PCNT: variants seen among roughly 807,000 people sequenced by gnomAD.
PCNT encodes the protein pericentrin, also known as kendrin.
Under a neutral mutation model 380.4 loss-of-function variants are expected in PCNT, and 319 were observed. The ratio of observed to expected loss-of-function variants is 0.84; its 90% CI spans 0.77 to 0.92. The LOEUF is 0.92. PCNT is among the 40% of genes least tolerant of loss of function. The pLI is 0.00. For synonymous variants in PCNT, 1,845 were observed against 1,735.2 expected (o/e 1.06, Z -1.57); for missense variants, 4,400 against 4,255.3 (o/e 1.03, Z -0.95).
At chr21:46,377,697 A>T (rs536882691) in intron 15 of PCNT, among the ~76,000 whole-genome samples, 1 of 152,120 alleles carries the variant, frequency 6.6e-6, no homozygotes. Context: ...AAAATAAAAA[A>T]ATTAGCCTGG....
intron 16 of PCNT, among the ~76,000 whole-genome samples, chr21:46,384,574 AGTGGTGG>A: frequency 4.2e-5 from 6 of 144,272 alleles, no homozygotes; most frequent in East Asian, 2.2e-4. Flanking sequence ...TTGTGCATTC[AGTGGTGG>A]AAGCCCATTC....
intron 15 of PCNT, among the ~76,000 whole-genome samples, chr21:46,377,936 T>C (rs2085383049): frequency 6.6e-6 from 1 of 152,104 alleles, no homozygotes; most frequent in Non-Finnish European, 1.5e-5. Flanking sequence ...CTGCTTGCCG[T>C]ACCTGTGGGC....
At chr21:46,364,029 T>C in intron 14 of PCNT, 95 bp downstream of exon 14, 2 of 1,147,580 alleles carry the variant, frequency 1.7e-6, no homozygotes, top group South Asian at 1.3e-5. Context: ...CGCTGTGGGC[T>C]CCACTGGGCG....
In PCNT at chr21:46,445,323, A is replaced by G. The variant is rs794727685; in HGVS notation, c.10007A>G (p.Gln3336Arg). 3.7e-6 allele frequency: 6 copies of G among 1,604,216 alleles called. No homozygotes were observed. Among genetic ancestry groups the G allele is most frequent in the Non-Finnish European group, 5.1e-6 (6 of 1,170,962 alleles). ...AAATCCTGCCACCCGATGATTAAACAGTGAATAAAATGTCATGGCTCTTTC... is the reference window on the plus strand; with the variant it reads ...AAATCCTGCCACCCGATGATTAAACGGTGAATAAAATGTCATGGCTCTTTC... ...SKKSCHPMIK[Q>R] is the part of the protein sequence containing the mutation. The change falls in exon 47 of 47, where the codon CAG (glutamine) becomes CGG (arginine). Residue 3336 changes from glutamine (Q) to arginine (R), a missense_variant. By Grantham distance (43) the Gln-to-Arg change is conservative. Coordinates refer to ENST00000359568, the MANE Select transcript of PCNT (RefSeq NM_006031.6).
Position 46,325,215 on chromosome 21 carries a change from G to C in PCNT, c.54+933G>C. ...GAGCAGGCCGGCCTCTGCGAGGTGC[G>C]CGCCGCTCCCCCCCAGGATGTTCTG... On this transcript the variant is annotated intron_variant, in intron 1 of 46. Transcript: ENST00000359568. 9.1e-6 allele frequency: 9 copies of C among 984,876 alleles called. No homozygotes were observed. In the South Asian group the frequency reaches 2.8e-4, roughly 31 times the overall value. The allele number at this position is 984,876 out of a possible 1,614,324, so 61.0% of individuals were successfully genotyped here. A position where few individuals can be genotyped will look rare whatever the true frequency, so the allele number is the denominator to read the frequency against.
intron 40 of PCNT, among the ~76,000 whole-genome samples, chr21:46,437,920 C>T (rs1258862829): frequency 6.6e-6 from 1 of 152,226 alleles, no homozygotes; most frequent in East Asian, 1.9e-4. Context: ...CTGTTAATTT[C>T]AGTGCTGTTA....
chr21:46,329,659 C>G (rs949983552), intron 2 of PCNT, among the ~76,000 whole-genome samples: 1 of 152,204 alleles, frequency 6.6e-6, no homozygotes, highest in African/African-American at 2.4e-5. Context: ...ACACTTCACC[C>G]TCAAGCGTGG....
At chr21:46,431,131 C>G (rs1181128034) in intron 37 of PCNT, 3 of 1,187,752 alleles carry the variant, frequency 2.5e-6, no homozygotes, top group Non-Finnish European at 3.2e-6. Flanking sequence ...GTGTGTATCT[C>G]TGAGCCTCTG....
At chr21:46,361,685 T>A (rs2084723539) in intron 13 of PCNT, among the ~76,000 whole-genome samples, 1 of 152,172 alleles carries the variant, frequency 6.6e-6, no homozygotes, top group South Asian at 2.1e-4. Flanking sequence ...AAGATCTGAG[T>A]GTTTGGCGTC....
Position 46,326,500 on chromosome 21 carries a change from G to T in PCNT, c.178G>T (p.Asp60Tyr). 6.2e-7 allele frequency: 1 copy of T among 1,614,208 alleles called. No individual in the cohort carries two copies. Among genetic ancestry groups the T allele is most frequent in the Non-Finnish European group, 8.5e-7 (1 of 1,180,036 alleles). The change falls in exon 2 of 47, where the codon GAC (aspartate) becomes TAC (tyrosine). Residue 60 changes from aspartate to tyrosine, a missense_variant. Asp to Tyr is a radical substitution (Grantham distance 160). Coordinates refer to ENST00000359568, the MANE Select transcript of PCNT (RefSeq NM_006031.6). The part of the protein sequence containing the change: ...VQEESPVTKE[D>Y]SALCGGGDIC... ...GGAGGAGAGTCCGGTAACCAAGGAG[G>T]ACAGCGCACTCTGTGGAGGAGGGGA...
rs374300652 is a variant in PCNT at position 46,412,033 on chromosome 21, A to C, written c.5960A>C (p.Asp1987Ala). 2 of 1,608,370 alleles carry C rather than the reference A, an allele frequency of 1.2e-6. No individual in the cohort carries two copies. Among genetic ancestry groups the C allele is most frequent in the East Asian group, 4.5e-5 (2 of 44,860 alleles). The change falls in exon 28 of 47, where the codon GAT becomes GCT. Residue 1987 changes from aspartate (D) to alanine (A), a missense_variant. By Grantham distance (126) the Asp-to-Ala change is moderately radical (BLOSUM62 -2). Coordinates refer to ENST00000359568, the MANE Select transcript of PCNT (RefSeq NM_006031.6). ...ACCGGCGACGTGGAGGCCTCCCATG[A>C]TGCTGCTTTGGAGCCGGTTGTCCCT... is the stretch of plus-strand genomic sequence containing the variant. The part of the protein sequence containing the change: ...QVTGDVEASH[D>A]AALEPVVPDP...
chr21:46,331,061 TGA>T (rs1450889888), intron 2 of PCNT, among the ~76,000 whole-genome samples: 1 of 152,174 alleles, frequency 6.6e-6, no homozygotes, highest in Non-Finnish European at 1.5e-5. Flanking sequence ...TATGTGTGTG[TGA>T]GGGGGAGGGA....
chr21:46,366,863 A>G lies in PCNT; in HGVS notation c.2889A>G (p.Arg963=). ...CCGACCTCGGCGCTCTGGAGACCAG[A>G]CATCTGTCCAGCCTTGATTCTTTGG... is the stretch of plus-strand genomic sequence containing the variant. ...HAADLGALET[R]HLSSLDSLES... The change falls in exon 15 of 47, where the codon AGA becomes AGG. Residue 963 remains arginine (R), a synonymous_variant. Transcript: ENST00000359568. The G allele has an allele frequency of 6.2e-7, 1 of 1,614,124 alleles. No individual in the cohort carries two copies. The highest frequency in any genetic ancestry group is 8.5e-7 in the Non-Finnish European group (1 of 1,180,040).
At chr21:46,328,163 G>T (rs1465825021) in intron 2 of PCNT, among the ~76,000 whole-genome samples, 2 of 151,852 alleles carry the variant, frequency 1.3e-5, no homozygotes, top group African/African-American at 4.8e-5. Context: ...AAATTGAGTT[G>T]TTGGCAACAG....
At chr21:46,395,007 AAGCACAGCCC>A (rs913039862) in intron 21 of PCNT, among the ~76,000 whole-genome samples, 2 of 152,220 alleles carry the variant, frequency 1.3e-5, no homozygotes, top group African/African-American at 4.8e-5. Context: ...GTTCTGGGCC[AAGCACAGCCC>A]AGGTCGTGTC....
Position 46,366,611 on chromosome 21 carries a change from C to G in PCNT, c.2637C>G (p.Thr879=), listed in dbSNP as rs369248579. The G allele has an allele frequency of 3.1e-6, 5 of 1,613,942 alleles. No homozygotes were observed. The African/African-American group carries it at 4.0e-5, about 13-fold the overall frequency. ...SRFLEERKEI[T]EKFSAEQDAF... ...TTTTAGAGGAACGTAAAGAGATCAC[C>G]GAGAAATTCAGTGCGGAACAAGATG... The change falls in exon 15 of 47, where the codon ACC becomes ACG. Residue 879 remains threonine, a synonymous_variant. Coordinates refer to ENST00000359568, the MANE Select transcript of PCNT (RefSeq NM_006031.6).
chr21:46,392,929 C>T (rs1338851261), intron 21 of PCNT, among the ~76,000 whole-genome samples: 1 of 152,144 alleles, frequency 6.6e-6, no homozygotes, highest in Non-Finnish European at 1.5e-5. Flanking sequence ...TTAGTTGTGC[C>T]TTGTATGGAT....
chr21:46,434,838 G>A (rs1023261772), intron 38 of PCNT, among the ~76,000 whole-genome samples: 15 of 152,322 alleles, frequency 9.8e-5, no homozygotes, highest in African/African-American at 2.2e-4. Context: ...TGGTATGAGC[G>A]TCTGGGCGTG....
At chr21:46,369,109 A>G (rs1469057297) in intron 15 of PCNT, among the ~76,000 whole-genome samples, 2 of 152,238 alleles carry the variant, frequency 1.3e-5, no homozygotes, top group Non-Finnish European at 2.9e-5. Context: ...GGGAATTCCT[A>G]GAAAGCAGAA....
Sources: gnomAD v4.1 joint callset for allele counts (sites outside exome capture counted in the v4.1 genomes callset) on GRCh38, gnomAD v4.1.1 for gene constraint, MANE v1.5 for transcripts, NCBI Gene and HGNC (gene_info 2026-07-23, HGNC 2026-07-21) for gene names.